Variants in SMYD3 observed in about 807,000 individuals in gnomAD.
SMYD3 encodes the protein histone-lysine N-methyltransferase SMYD3.
Under a neutral mutation model 57.7 loss-of-function variants are expected in SMYD3, and 36 were observed. The observed-to-expected ratio is 0.62, with a 90% CI of 0.48 to 0.82. The LOEUF is 0.82. Ranked by LOEUF, SMYD3 falls within the 40% of genes least tolerant of loss-of-function variation. The pLI is 0.00. For missense variants in SMYD3, 515 were observed against 538.8 expected, an observed-to-expected ratio of 0.96 and a Z score of 0.44; for synonymous variants, 211 against 195.0, an observed-to-expected ratio of 1.08 and a Z score of -0.68.
chr1:246,063,304 C>T (rs1356915702), intron 5 of SMYD3, among the ~76,000 whole-genome samples: 2 of 152,136 alleles, frequency 1.3e-5, no homozygotes, highest in South Asian at 2.1e-4. Context: ...TCAGGGAAAC[C>T]CATTAGAGAC....
intron 6 of SMYD3, among the ~76,000 whole-genome samples, chr1:245,929,577 C>T (rs1268626336): frequency 6.6e-6 from 1 of 152,156 alleles, no homozygotes; most frequent in East Asian, 1.9e-4. Flanking sequence ...AAAATCAGCC[C>T]GATGGTTAAT....
intron 1 of SMYD3, chr1:246,483,772 C>T (rs1002205571): frequency 6.6e-6 from 1 of 152,216 alleles, no homozygotes; most frequent in African/African-American, 2.4e-5. Context: ...CTCTCTCATC[C>T]TCTCTGCTTT....
chr1:246,457,735 C>T (rs2067725785), intron 1 of SMYD3, among the ~76,000 whole-genome samples: 1 of 152,120 alleles, frequency 6.6e-6, no homozygotes, highest in Admixed American at 6.6e-5. Context: ...TTTATACAAG[C>T]TGTGCGTACA....
intron 5 of SMYD3, among the ~76,000 whole-genome samples, chr1:246,072,447 C>T (rs111871655): frequency 0.088 from 12,708 of 144,584 alleles, 1,540 homozygotes; most frequent in African/African-American, 0.26. Context: ...CCGCTGTGCT[C>T]AGTGTGGATG....
chr1:246,337,394 T>C (rs1426769811), intron 2 of SMYD3, among the ~76,000 whole-genome samples: 1 of 152,228 alleles, frequency 6.6e-6, no homozygotes, highest in East Asian at 1.9e-4. Flanking sequence ...GATATATCTA[T>C]ATATTTTTTT....
At chr1:245,866,227 C>T (rs1558437297) in intron 8 of SMYD3, among the ~76,000 whole-genome samples, 1 of 152,146 alleles carries the variant, frequency 6.6e-6, no homozygotes, top group East Asian at 1.9e-4. Context: ...CCTTCTGAGG[C>T]TGGGGCAGTG....
chr1:246,309,983 C>T (rs1220430090), intron 5 of SMYD3, among the ~76,000 whole-genome samples: 1 of 147,886 alleles, frequency 6.8e-6, no homozygotes, highest in Non-Finnish European at 1.5e-5. Context: ...CAAAATAAAT[C>T]TTCTTCCACA....
intron 1 of SMYD3, among the ~76,000 whole-genome samples, chr1:246,491,718 G>T (rs1473341091): frequency 6.6e-6 from 1 of 152,012 alleles, no homozygotes; most frequent in South Asian, 2.1e-4. Flanking sequence ...TGATACCATC[G>T]GTCCTCTAGA....
intron 1 of SMYD3, among the ~76,000 whole-genome samples, chr1:246,495,241 C>T (rs910426852): frequency 4.1e-5 from 6 of 147,374 alleles, no homozygotes; most frequent in African/African-American, 1.0e-4. Context: ...CCCAGCTACT[C>T]GGGAGGCTGA....
chr1:245,825,909 C>T (rs10924342), intron 10 of SMYD3, among the ~76,000 whole-genome samples: 1 of 147,158 alleles, frequency 6.8e-6, no homozygotes, highest in African/African-American at 2.5e-5. Context: ...AGTCACTCTA[C>T]GAAAACTCCA....
chr1:245,764,016 C>A (rs2045966714), intron 11 of SMYD3, 25 bp downstream of exon 11: 1 of 1,556,040 alleles, frequency 6.4e-7, no homozygotes, highest in Non-Finnish European at 8.9e-7. Flanking sequence ...CCAGGCAGAA[C>A]TATGTGAGAT....
intron 5 of SMYD3, among the ~76,000 whole-genome samples, chr1:245,951,444 C>T (rs919533207): frequency 7.3e-6 from 1 of 137,894 alleles, no homozygotes; most frequent in East Asian, 2.8e-4. Context: ...TGGTGCACGC[C>T]TGTAGTCCCA....
intron 5 of SMYD3, among the ~76,000 whole-genome samples, chr1:246,134,402 T>C (rs2061635432): frequency 6.6e-6 from 1 of 152,138 alleles, no homozygotes; most frequent in African/African-American, 2.4e-5. Flanking sequence ...CTAGATCATG[T>C]ATATGATTCA....
chr1:246,430,185 T>C (rs1349963185), intron 1 of SMYD3, among the ~76,000 whole-genome samples: 1 of 151,934 alleles, frequency 6.6e-6, no homozygotes, highest in African/African-American at 2.4e-5. Flanking sequence ...TGGCAAGTAC[T>C]AAATAATCAT....
chr1:246,010,350 C>G (rs1464905252), intron 5 of SMYD3, among the ~76,000 whole-genome samples: 1 of 152,128 alleles, frequency 6.6e-6, no homozygotes, highest in East Asian at 1.9e-4. Context: ...CCAGACCTCA[C>G]ACCAGAGATG....
chr1:245,800,598 A>T (rs1192109067), intron 10 of SMYD3, among the ~76,000 whole-genome samples: 2 of 152,234 alleles, frequency 1.3e-5, no homozygotes, highest in Non-Finnish European at 2.9e-5. Flanking sequence ...CTACGTAAAT[A>T]AGCCATTAAC....
chr1:246,385,863 G>A (rs761443222), intron 1 of SMYD3, among the ~76,000 whole-genome samples: 4 of 152,032 alleles, frequency 2.6e-5, no homozygotes, highest in East Asian at 1.9e-4. Context: ...TCCTGTCCAC[G>A]GACCATACTT....
At chr1:246,434,886 C>A (rs1274394333) in intron 1 of SMYD3, among the ~76,000 whole-genome samples, 4 of 152,046 alleles carry the variant, frequency 2.6e-5, no homozygotes, top group Non-Finnish European at 2.9e-5. Context: ...GCAAAAAACA[C>A]GGAACTAACC....
intron 10 of SMYD3, among the ~76,000 whole-genome samples, chr1:245,825,856 A>C (rs1383528689): frequency 1.3e-5 from 2 of 149,408 alleles, no homozygotes; most frequent in Admixed American, 6.7e-5. Flanking sequence ...TAACTTGCCC[A>C]AGGTCACTGC....
Sources: gnomAD v4.1 joint callset for allele counts (sites outside exome capture counted in the v4.1 genomes callset) on GRCh38, gnomAD v4.1.1 for gene constraint, MANE v1.5 for transcripts, NCBI Gene and HGNC (gene_info 2026-07-23, HGNC 2026-07-21) for gene names.